EXOC6B: variants seen among roughly 807,000 people sequenced by gnomAD.
The protein encoded by EXOC6B is SEC15 homolog B.
Under a neutral mutation model 113.5 loss-of-function variants are expected in EXOC6B, and 54 were observed. That is an observed-to-expected ratio of 0.48 (90% CI 0.38 to 0.60). The LOEUF is 0.60. Among genes scored for constraint, EXOC6B ranks in the 20% least tolerant of loss-of-function variants. The pLI, the probability that EXOC6B is intolerant of heterozygous loss-of-function variation, is 0.00. For synonymous variants in EXOC6B, 357 were observed against 339.0 expected, an observed-to-expected ratio of 1.05 and a Z score of -0.58; for missense variants, 797 against 977.5, an observed-to-expected ratio of 0.82 and a Z score of 2.46.
intron 7 of EXOC6B, among the ~76,000 whole-genome samples, chr2:72,575,260 T>C (rs1202148283): frequency 6.6e-6 from 1 of 152,132 alleles, no homozygotes; most frequent in Non-Finnish European, 1.5e-5. Context: ...CCTGAAACTT[T>C]TCAAAATAGA....
intron 20 of EXOC6B, among the ~76,000 whole-genome samples, chr2:72,310,283 C>A (rs772013693): frequency 6.6e-6 from 1 of 152,122 alleles, no homozygotes; most frequent in East Asian, 1.9e-4. Context: ...TTTCTCTACA[C>A]CTTTGTCAAC....
chr2:72,578,439 C>T (rs566199096), intron 6 of EXOC6B, among the ~76,000 whole-genome samples: 1 of 152,092 alleles, frequency 6.6e-6, no homozygotes, highest in African/African-American at 2.4e-5. Context: ...GGTAAATTTC[C>T]ACTTCTATAT....
chr2:72,643,478 T>C (rs1210249116), intron 6 of EXOC6B, among the ~76,000 whole-genome samples: 7 of 148,248 alleles, frequency 4.7e-5, no homozygotes, highest in Non-Finnish European at 7.4e-5. Flanking sequence ...ATGGATGAAA[T>C]TGGAAATCAT....
chr2:72,741,160 T>G, intron 2 of EXOC6B, 144 bp downstream of exon 2: 4 of 772,010 alleles, frequency 5.2e-6, no homozygotes, highest in Non-Finnish European at 7.8e-6. Flanking sequence ...CTCTCAAGAA[T>G]GTACGTTTCA....
intron 8 of EXOC6B, among the ~76,000 whole-genome samples, chr2:72,555,599 G>T (rs181157630): frequency 6.6e-6 from 1 of 152,076 alleles, no homozygotes; most frequent in African/African-American, 2.4e-5. Flanking sequence ...TTTTTATGGG[G>T]TTGTCTGTTT....
intron 20 of EXOC6B, among the ~76,000 whole-genome samples, chr2:72,190,399 G>A (rs748800252): frequency 2.0e-5 from 3 of 152,002 alleles, no homozygotes; most frequent in African/African-American, 7.2e-5. Context: ...TTCACTGCTT[G>A]TGTTCCATTT....
Position 72,179,312 on chromosome 2 carries a change from C to A in EXOC6B, c.*23G>T, listed in dbSNP as rs1159014127. 6.4e-7 allele frequency: 1 copy of A among 1,573,290 alleles called. No homozygotes were observed. Among genetic ancestry groups the A allele is most frequent in the Non-Finnish European group, 8.6e-7 (1 of 1,158,430 alleles). ...TGACACAGAGGCTGCAGCAGGTCGC[C>A]TCTGTGGGTCCGGGGTCACCCTTCA... On this transcript the variant is annotated 3_prime_UTR_variant, in exon 22 of 22. Transcript: ENST00000272427.
At chr2:72,314,006 G>A (rs1056962285) in intron 20 of EXOC6B, among the ~76,000 whole-genome samples, 2 of 152,142 alleles carry the variant, frequency 1.3e-5, no homozygotes, top group African/African-American at 4.8e-5. Flanking sequence ...GAAAGGGGAT[G>A]AAAGAAAAGG....
intron 6 of EXOC6B, among the ~76,000 whole-genome samples, chr2:72,598,071 C>A (rs574065349): frequency 1.1e-4 from 17 of 151,974 alleles, no homozygotes; most frequent in African/African-American, 4.1e-4. Flanking sequence ...CTAAACTGAA[C>A]AACTGGATCT....
intron 19 of EXOC6B, among the ~76,000 whole-genome samples, chr2:72,349,435 G>T (rs966964659): frequency 6.6e-6 from 1 of 152,204 alleles, no homozygotes; most frequent in East Asian, 1.9e-4. Context: ...GGATTGAACA[G>T]TTGGAGCTTT....
intron 11 of EXOC6B, among the ~76,000 whole-genome samples, chr2:72,512,342 AGG>A (rs1700957801): frequency 1.7e-4 from 2 of 11,710 alleles, no homozygotes; most frequent in Non-Finnish European, 2.5e-4. Context: ...GAAGGAAGGA[AGG>A]AAGGAAGGAA....
intron 18 of EXOC6B, among the ~76,000 whole-genome samples, chr2:72,407,911 G>T (rs1422263852): frequency 1.3e-5 from 2 of 152,182 alleles, no homozygotes; most frequent in Non-Finnish European, 2.9e-5. Context: ...ATGAGGAAAA[G>T]AGGAAGTCAA....
At chr2:72,532,606 G>A (rs572324337) in intron 8 of EXOC6B, among the ~76,000 whole-genome samples, 115 of 152,084 alleles carry the variant, frequency 7.6e-4, no homozygotes, top group Middle Eastern at 6.8e-3. Flanking sequence ...TCAGGAGTTC[G>A]AGACCAGCCT....
At chr2:72,285,145 A>G (rs1448292976) in intron 20 of EXOC6B, among the ~76,000 whole-genome samples, 1 of 152,116 alleles carries the variant, frequency 6.6e-6, no homozygotes, top group Non-Finnish European at 1.5e-5. Context: ...TGAAGAGGCA[A>G]TATATCCAGA....
At chr2:72,357,814 T>A (rs1465811398) in intron 19 of EXOC6B, among the ~76,000 whole-genome samples, 2 of 152,194 alleles carry the variant, frequency 1.3e-5, no homozygotes, top group African/African-American at 4.8e-5. Context: ...TACCACTGAC[T>A]GTGTTACAAC....
intron 7 of EXOC6B, among the ~76,000 whole-genome samples, chr2:72,573,932 G>A (rs1339786905): frequency 6.6e-6 from 1 of 151,948 alleles, no homozygotes; most frequent in Admixed American, 6.6e-5. Context: ...TGGCTAACAT[G>A]GTGAAACCCC....
At chr2:72,390,091 A>C (rs887817031) in intron 18 of EXOC6B, among the ~76,000 whole-genome samples, 2 of 152,162 alleles carry the variant, frequency 1.3e-5, no homozygotes, top group East Asian at 3.9e-4. Flanking sequence ...TCTCAACAAC[A>C]ACGAAAAATT....
chr2:72,372,670 G>T (rs573064719), intron 19 of EXOC6B, among the ~76,000 whole-genome samples: 5 of 151,972 alleles, frequency 3.3e-5, no homozygotes, highest in East Asian at 1.9e-4. Context: ...ATGGTGAAAC[G>T]CTGTCTCTAC....
intron 20 of EXOC6B, among the ~76,000 whole-genome samples, chr2:72,296,948 C>T (rs761697758): frequency 6.6e-6 from 1 of 152,054 alleles, no homozygotes; most frequent in Non-Finnish European, 1.5e-5. Flanking sequence ...TGAGATTTTC[C>T]ACCTTTACAT....
Sources: gnomAD v4.1 joint callset for allele counts (sites outside exome capture counted in the v4.1 genomes callset) on GRCh38, gnomAD v4.1.1 for gene constraint, MANE v1.5 for transcripts, NCBI Gene and HGNC (gene_info 2026-07-23, HGNC 2026-07-21) for gene names.